The following SALL1 variants were observed in gnomAD, a reference collection of about 807,000 sequenced individuals.
SALL1 encodes sal-like protein 1.
SALL1 carries 10 observed loss-of-function variants against 73.1 expected under a neutral mutation model. The observed-to-expected ratio is 0.14, with a 90% CI of 0.08 to 0.23. The LOEUF (loss-of-function observed/expected upper bound fraction) is 0.23, where lower values mean the gene tolerates loss of function less well. Among genes scored for constraint, SALL1 ranks in the 10% least tolerant of loss-of-function variants. The pLI is 1.00. For synonymous variants in SALL1, 688 were observed against 689.8 expected, an observed-to-expected ratio of 1.00 and a Z score of 0.04; for missense variants, 1,520 against 1,697.3, an observed-to-expected ratio of 0.90 and a Z score of 1.84.
intron 1 of SALL1, among the ~76,000 whole-genome samples, chr16:51,143,739 G>C (rs1962477150): frequency 6.6e-6 from 1 of 152,150 alleles, no homozygotes; most frequent in Non-Finnish European, 1.5e-5. Flanking sequence ...TGCCTTGAGT[G>C]ATGCCGAAGT....
chr16:51,151,552 C>T (rs1962608502), upstream of SALL1, among the ~76,000 whole-genome samples: 1 of 151,854 alleles, frequency 6.6e-6, no homozygotes, highest in Non-Finnish European at 1.5e-5. Context: ...TCTCCGCGCG[C>T]TGGCCCAATA....
At position 51,138,889 on chromosome 16, in the gene SALL1, C is replaced by G. The variant is rs761530619; in HGVS notation, c.3333G>C (p.Gly1111=). 1.7e-5 allele frequency: 28 copies of G among 1,614,014 alleles called. No homozygotes were observed. The highest frequency in any genetic ancestry group is 2.3e-5 in the Non-Finnish European group (27 of 1,180,036). The change falls in exon 2 of 3, where the codon GGG becomes GGC. Residue 1111 remains glycine (G), a synonymous_variant. Transcript: ENST00000251020. ...GGGATGTGGCAGAGGAAGACAGAGG[C>G]CCAGACGGGACGTGACTGGTGGGGG... ...KDTPTSHVPS[G]PLSSSATSPV...
At chr16:51,150,995 G>T in intron 1 of SALL1, 171 bp downstream of exon 1, 1 of 442,062 alleles carries the variant, frequency 2.3e-6, no homozygotes, top group East Asian at 3.5e-5. Context: ...CCCAGCAAAG[G>T]CACATTGAAA....
Position 51,136,057 on chromosome 16 carries a change from A to G in SALL1, c.*1055T>C, listed in dbSNP as rs1469504924. 1 of 152,664 alleles carries G rather than the reference A, an allele frequency of 6.6e-6. No homozygotes were observed. The highest frequency in any genetic ancestry group is 1.5e-5 in the Non-Finnish European group (1 of 68,046). The allele number at this position is 152,664 out of a possible 1,614,324, so 9.5% of individuals were successfully genotyped here. On this transcript the variant is annotated 3_prime_UTR_variant, in exon 3 of 3. Transcript: ENST00000251020. ...TACAGTATCTCTGTTGTTAGTAAGT[A>G]TTAAATGTTAAAGAAATTGGACCCC...
At chr16:51,148,290 G>T (rs952128617) in intron 1 of SALL1, among the ~76,000 whole-genome samples, 1 of 152,196 alleles carries the variant, frequency 6.6e-6, no homozygotes, top group Non-Finnish European at 1.5e-5. Context: ...TCAGCTTTGG[G>T]AGCTGCTTCT....
rs767713070 is a variant in SALL1, at chr16:51,139,365, G to T, written c.2857C>A (p.Pro953Thr). The T allele has an allele frequency of 6.2e-7, 1 of 1,614,116 alleles. No homozygotes were observed. The highest frequency in any genetic ancestry group is 8.5e-7 in the Non-Finnish European group (1 of 1,180,028). Residue 953 changes from proline to threonine, a missense_variant, in exon 2 of 3, where the codon CCA becomes ACA. Physicochemically the swap from Pro to Thr is conservative, Grantham distance 38. Transcript: ENST00000251020. ...GACAAACCATTGGCAAACTCGCTTG[G>T]GACCGCTCTCTGTGGTTTCTCCTCA... ...SIEEKPQRAV[P>T]SEFANGLSPT...
intron 1 of SALL1, among the ~76,000 whole-genome samples, chr16:51,145,252 G>A (rs996100990): frequency 6.0e-5 from 9 of 149,006 alleles, no homozygotes; most frequent in South Asian, 2.1e-4. Context: ...ACGTACACAC[G>A]AACATGTTAT....
Position 51,140,468 on chromosome 16 carries a change from G to A in SALL1, c.1754C>T (p.Thr585Ile). The A allele has an allele frequency of 6.2e-7, 1 of 1,613,800 alleles. No individual in the cohort carries two copies. The highest frequency in any genetic ancestry group is 8.5e-7 in the Non-Finnish European group (1 of 1,179,772). The change falls in exon 2 of 3, where the codon ACC becomes ATC. Residue 585 changes from threonine (T) to isoleucine (I), a missense_variant. This residue lies in a region of SALL1 where 276 missense variants were observed against 259.1 expected (regional missense o/e 1.07). Coordinates refer to ENST00000251020, the MANE Select transcript of SALL1 (RefSeq NM_002968.3). This position sits in a 1 kb window ranked among gnomAD's most constrained non-coding sequence, Gnocchi z 5.7. ...ACTTTTGACTGAGCCTGGGGGGCTG[G>A]TGGCAGAATGGCTGATGGGGATGGG... ...PAPIPISHSA[T>I]SPPGSVKSDS...
rs1962385549 is a variant in SALL1 at position 51,139,893 on chromosome 16, T to C, written c.2329A>G (p.Asn777Asp). The C allele has an allele frequency of 3.7e-6, 6 of 1,614,198 alleles. No homozygotes were observed. The East Asian group carries it at 1.3e-4, about 36-fold the overall frequency. Residue 777 changes from asparagine to aspartate, a missense_variant, in exon 2 of 3, where the codon AAC becomes GAC. By Grantham distance (23) the Asn-to-Asp change is conservative. Coordinates refer to ENST00000251020, the MANE Select transcript of SALL1 (RefSeq NM_002968.3). ...ATGTGCTGCTGCAGGACCACAGCGTTCGTGAACTTCTTCTGGCAGATGGGG... is the reference window on the plus strand; with the variant it reads ...ATGTGCTGCTGCAGGACCACAGCGTCCGTGAACTTCTTCTGGCAGATGGGG... ...SCPICQKKFT[N>D]AVVLQQHIRM...
At chr16:51,150,338 T>C in intron 1 of SALL1, 1 of 922,234 alleles carries the variant, frequency 1.1e-6, no homozygotes, top group Non-Finnish European at 1.3e-6. Flanking sequence ...CTGACCCCCC[T>C]GGAAGTAGGG....
intron 1 of SALL1, chr16:51,150,652 G>T: frequency 1.2e-6 from 1 of 823,622 alleles, no homozygotes; most frequent in Non-Finnish European, 1.5e-6. Context: ...GCAGGGGGGC[G>T]CAGCGAACTC....
chr16:51,149,570 G>A (rs1962566176), intron 1 of SALL1: 1 of 152,208 alleles, frequency 6.6e-6, no homozygotes, highest in African/African-American at 2.4e-5. Flanking sequence ...AGCGGACTGA[G>A]AAATCGCAGA....
chr16:51,141,177 T>C lies in SALL1; in HGVS notation c.1045A>G (p.Thr349Ala). ...GCCACTTTTTCAGAGGACGGGGTGGTAACTGCCGCTGCCAATATGTTCATA... is the reference window on the plus strand; with the variant it reads ...GCCACTTTTTCAGAGGACGGGGTGGCAACTGCCGCTGCCAATATGTTCATA... ...PNMNILAAAV[T>A]TPSSEKVASS... The change falls in exon 2 of 3, where the codon ACC becomes GCC. Residue 349 changes from threonine (T) to alanine (A), a missense_variant. Around this residue, in one of 7 missense-constraint regions of SALL1, gnomAD observed 540 missense variants for 567.5 expected, o/e 0.95. Transcript: ENST00000251020. The surrounding 1 kb of genome is among the most constrained non-coding windows in gnomAD (Gnocchi z 5.4). 1 of 1,614,196 alleles carries C rather than the reference T, an allele frequency of 6.2e-7. No homozygotes were observed. The highest frequency in any genetic ancestry group is 1.3e-5 in the African/African-American group (1 of 75,034).
intron 1 of SALL1, among the ~76,000 whole-genome samples, chr16:51,146,096 G>A (rs1349422817): frequency 2.0e-5 from 3 of 147,614 alleles, no homozygotes; most frequent in African/African-American, 7.5e-5. Flanking sequence ...TAAACACTAC[G>A]ACATATGCTG....
chr16:51,151,811 C>T (rs935501431), upstream of SALL1, among the ~76,000 whole-genome samples: 13 of 150,266 alleles, frequency 8.7e-5, no homozygotes, highest in Non-Finnish European at 1.3e-4. Flanking sequence ...TGAGCCGCCC[C>T]GGGTGGGGGG....
rs1010540336 is a variant in SALL1, at chr16:51,136,336, C to T, written c.*776G>A. 6.6e-6 allele frequency: 1 copy of T among 152,652 alleles called. No individual in the cohort carries two copies. The highest frequency in any genetic ancestry group is 2.4e-5 in the African/African-American group (1 of 41,460). The allele number at this position is 152,652 out of a possible 1,614,324, so 9.5% of individuals were successfully genotyped here. A position where few individuals can be genotyped will look rare whatever the true frequency, so the allele number is the denominator to read the frequency against. On this transcript the variant is annotated 3_prime_UTR_variant, in exon 3 of 3. Transcript: ENST00000251020. ...ATTGTGAAATTCCAGCACACATTTT[C>T]TATCGTGAATATACCTACAAGGCAA...
At chr16:51,148,293 C>G (rs1389669320) in intron 1 of SALL1, among the ~76,000 whole-genome samples, 3 of 152,200 alleles carry the variant, frequency 2.0e-5, no homozygotes, top group African/African-American at 7.2e-5. Flanking sequence ...GCTTTGGGAG[C>G]TGCTTCTTTA....
Position 51,140,306 on chromosome 16 carries a change from C to T in SALL1, c.1916G>A (p.Ser639Asn). 1 of 1,614,152 alleles carries T rather than the reference C, an allele frequency of 6.2e-7. No homozygotes were observed. Among genetic ancestry groups the T allele is most frequent in the East Asian group, 2.2e-5 (1 of 44,876 alleles). ...MVTNSVPTASSSVLSSPAADC... is the reference protein window; with the variant it reads ...MVTNSVPTASNSVLSSPAADC... ...TGCCGCTGGGGAGCTCAGGACGCTA[C>T]TGCTCGCCGTCGGGACTGAGTTGGT... The change falls in exon 2 of 3, where the codon AGT becomes AAT. Residue 639 changes from serine to asparagine, a missense_variant. Transcript: ENST00000251020. The surrounding 1 kb of genome is among the most constrained non-coding windows in gnomAD (Gnocchi z 5.7).
chr16:51,151,071 A>C, intron 1 of SALL1, 95 bp downstream of exon 1: 4 of 773,476 alleles, frequency 5.2e-6, no homozygotes, highest in Non-Finnish European at 5.8e-6. Flanking sequence ...GCGGTGAGGT[A>C]GGGGGCGCGG....
Sources: allele counts gnomAD v4.1 joint callset (sites outside exome capture counted in the v4.1 genomes callset), GRCh38; gene constraint gnomAD v4.1.1; regional missense constraint gnomAD v4.1.1; non-coding constraint Gnocchi (gnomAD v3.1); transcripts MANE v1.5; gene names NCBI Gene and HGNC (gene_info 2026-07-23, HGNC 2026-07-21).